Variants in CDH6 observed in about 807,000 individuals in gnomAD.
The protein encoded by CDH6 is cadherin-6.
A neutral mutation model predicts 78.0 loss-of-function variants in CDH6; 31 were observed. The ratio of observed to expected loss-of-function variants is 0.40; its 90% CI spans 0.30 to 0.54. The LOEUF is 0.54. CDH6 is among the 20% of genes least tolerant of loss of function. The pLI is 0.56. For synonymous variants in CDH6, 376 were observed against 368.8 expected, an observed-to-expected ratio of 1.02 and a Z score of -0.23; for missense variants, 724 against 975.9, an observed-to-expected ratio of 0.74 and a Z score of 3.44.
chr5:31,230,661 T>A (rs542614006), intron 1 of CDH6, among the ~76,000 whole-genome samples: 95 of 152,254 alleles, frequency 6.2e-4, no homozygotes, highest in Middle Eastern at 3.4e-3. Context: ...GCTATTTTTT[T>A]AAAAACTAAC....
At chr5:31,227,962 G>A (rs1244650130) in intron 1 of CDH6, among the ~76,000 whole-genome samples, 4 of 152,178 alleles carry the variant, frequency 2.6e-5, no homozygotes, top group African/African-American at 9.6e-5. Context: ...TAGGTCAGAG[G>A]TCAGAGGTGA....
chr5:31,289,831 A>G (rs10472768), intron 2 of CDH6, among the ~76,000 whole-genome samples: 21,494 of 152,154 alleles, frequency 0.14, 2,569 homozygotes, highest in African/African-American at 0.33. Context: ...CACATTTAGC[A>G]TGTAAAAACA....
intron 1 of CDH6, among the ~76,000 whole-genome samples, chr5:31,237,308 G>C (rs1741479291): frequency 6.6e-6 from 1 of 152,134 alleles, no homozygotes; most frequent in South Asian, 2.1e-4. Flanking sequence ...TCCTTAAAAG[G>C]ATGGAGGTGT....
At chr5:31,286,243 C>A (rs1250000328) in intron 2 of CDH6, among the ~76,000 whole-genome samples, 1 of 152,154 alleles carries the variant, frequency 6.6e-6, no homozygotes, top group Non-Finnish European at 1.5e-5. Context: ...TATGAACCTG[C>A]AATCTAGCTT....
intron 1 of CDH6, among the ~76,000 whole-genome samples, chr5:31,234,174 T>A (rs981095090): frequency 3.9e-5 from 6 of 152,186 alleles, no homozygotes; most frequent in Non-Finnish European, 5.9e-5. Flanking sequence ...AGGTTTTTTT[T>A]ATTCTTTATT....
chr5:31,244,256 G>A (rs1254976896), intron 1 of CDH6, among the ~76,000 whole-genome samples: 2 of 152,178 alleles, frequency 1.3e-5, no homozygotes, highest in Non-Finnish European at 2.9e-5. Flanking sequence ...CCCATCCTGT[G>A]CAGAACTTAC....
chr5:31,302,964 AAAAGAAAG>A (rs369255069), intron 6 of CDH6, among the ~76,000 whole-genome samples: 7 of 111,680 alleles, frequency 6.3e-5, no homozygotes, highest in Non-Finnish European at 9.7e-5. Context: ...AGAAGGAAAG[AAAAGAAAG>A]AAAGAAAGAA....
intron 1 of CDH6, among the ~76,000 whole-genome samples, chr5:31,203,441 C>A (rs1740427053): frequency 7.9e-6 from 1 of 126,036 alleles, no homozygotes; most frequent in Admixed American, 8.8e-5. Context: ...TATTCCCCTT[C>A]CTGTGTCCAT....
Position 31,327,366 on chromosome 5 carries a change from G to A in CDH6, c.*4058G>A, listed in dbSNP as rs1016996330. ...TCCTAATAACTAGTTTTGAAGCAGT[G>A]TAATTACTCTGGAAGAAGGCTCTAA... is the stretch of plus-strand genomic sequence containing the variant. On this transcript the variant is annotated 3_prime_UTR_variant, in exon 12 of 12. Transcript: ENST00000265071. 2 of 192,724 alleles carry A rather than the reference G, an allele frequency of 1.0e-5. No individual in the cohort carries two copies. Among genetic ancestry groups the A allele is most frequent in the African/African-American group, 4.6e-5 (2 of 43,082 alleles). 11.9% of individuals were successfully genotyped at this position (192,724 alleles called of 1,614,324 possible). A position where few individuals can be genotyped will look rare whatever the true frequency, so the allele number is the denominator to read the frequency against.
At chr5:31,250,625 G>A (rs556583607) in intron 1 of CDH6, 61 of 152,518 alleles carry the variant, frequency 4.0e-4, no homozygotes, top group Middle Eastern at 3.4e-3. Flanking sequence ...CCCCAACCTG[G>A]CAATCCTAAG....
intron 6 of CDH6, among the ~76,000 whole-genome samples, chr5:31,302,782 GA>G (rs1561065823): frequency 1.8e-5 from 1 of 56,938 alleles, no homozygotes; most frequent in East Asian, 4.8e-4. Flanking sequence ...AGAAGAAAGA[GA>G]GAGAGAGAGA....
At chr5:31,209,965 G>A (rs1315938447) in intron 1 of CDH6, among the ~76,000 whole-genome samples, 4 of 152,104 alleles carry the variant, frequency 2.6e-5, no homozygotes, top group African/African-American at 7.2e-5. Context: ...TCAGCTCATT[G>A]TGCCAACTTA....
chr5:31,247,995 G>A (rs149816856), intron 1 of CDH6, among the ~76,000 whole-genome samples: 2 of 152,268 alleles, frequency 1.3e-5, no homozygotes, highest in East Asian at 1.9e-4. Flanking sequence ...ATAGTTCAAC[G>A]TAATTTAGTT....
At chr5:31,296,312 T>C (rs763533347) in intron 3 of CDH6, among the ~76,000 whole-genome samples, 4 of 152,156 alleles carry the variant, frequency 2.6e-5, no homozygotes, top group Non-Finnish European at 5.9e-5. Context: ...TTGAGGATCA[T>C]ATAAAATCTA....
At position 31,313,392 on chromosome 5, in the gene CDH6, C is replaced by T. The variant is rs752932258; in HGVS notation, c.1328C>T (p.Ser443Leu). Residue 443 changes from serine to leucine, a missense_variant, in exon 8 of 12, where the codon TCG becomes TTG. Coordinates refer to ENST00000265071, the MANE Select transcript of CDH6 (RefSeq NM_004932.4). ...TCTGGAAATGGTTCGATTTTTACAT[C>T]GAAACTTCTTGACCGAGAAACACTG... ...IDSGNGSIFTSKLLDRETLLW... is the reference protein window; with the variant it reads ...IDSGNGSIFTLKLLDRETLLW... 13 of 1,613,752 alleles carry T rather than the reference C, an allele frequency of 8.1e-6. No individual in the cohort carries two copies. The highest frequency in any genetic ancestry group is 3.3e-5 in the South Asian group (3 of 91,070).
intron 1 of CDH6, among the ~76,000 whole-genome samples, chr5:31,255,202 C>T (rs1416971397): frequency 2.0e-5 from 3 of 152,176 alleles, no homozygotes; most frequent in African/African-American, 7.2e-5. Flanking sequence ...AACAACAGCT[C>T]CCAGTGGGAA....
rs1738210064 is a variant in CDH6 at position 31,313,426 on chromosome 5, C to A, written c.1362C>A (p.His454Gln). The change falls in exon 8 of 12, where the codon CAC becomes CAA. Residue 454 changes from histidine to glutamine, a missense_variant. By Grantham distance (24) the His-to-Gln change is conservative (BLOSUM62 0). Transcript: ENST00000265071. ...TTGACCGAGAAACACTGCTATGGCACAACATTACAGTGATAGCAACAGAGA... is the reference window on the plus strand; with the variant it reads ...TTGACCGAGAAACACTGCTATGGCAAAACATTACAGTGATAGCAACAGAGA... ...KLLDRETLLWHNITVIATEIN... is the reference protein window; with the variant it reads ...KLLDRETLLWQNITVIATEIN... The A allele has an allele frequency of 6.2e-7, 1 of 1,613,856 alleles. No individual in the cohort carries two copies. The highest frequency in any genetic ancestry group is 1.3e-5 in the African/African-American group (1 of 74,922).
At chr5:31,292,912 T>A (rs1042002150) in intron 2 of CDH6, among the ~76,000 whole-genome samples, 4 of 149,642 alleles carry the variant, frequency 2.7e-5, no homozygotes, top group Admixed American at 6.7e-5. Context: ...AGACCTATAG[T>A]TAGGTCTAGG....
chr5:31,285,967 C>T (rs749526434), intron 2 of CDH6, among the ~76,000 whole-genome samples: 1 of 152,092 alleles, frequency 6.6e-6, no homozygotes, highest in Non-Finnish European at 1.5e-5. Flanking sequence ...AATTATCTGG[C>T]AATTTCAGGA....
Sources: allele counts gnomAD v4.1 joint callset (sites outside exome capture counted in the v4.1 genomes callset), GRCh38; gene constraint gnomAD v4.1.1; transcripts MANE v1.5; gene names NCBI Gene and HGNC (gene_info 2026-07-23, HGNC 2026-07-21).